The following NPAS3 variants were observed in gnomAD, a reference collection of about 807,000 sequenced individuals.
The protein encoded by NPAS3 is neuronal PAS domain protein 3.
Under a neutral mutation model 73.1 loss-of-function variants are expected in NPAS3, and 14 were observed. That is an observed-to-expected ratio of 0.19 (90% confidence interval 0.13 to 0.30). The LOEUF is 0.30. Among genes scored for constraint, NPAS3 ranks in the 10% least tolerant of loss-of-function variants. The pLI, the probability that NPAS3 is intolerant of heterozygous loss-of-function variation, is 1.00. For synonymous variants in NPAS3, 620 were observed against 541.5 expected (o/e 1.14, Z -2.01); for missense variants, 1,096 against 1,250.0 (o/e 0.88, Z 1.86).
chr14:33,452,548 G>A (rs998647077), intron 4 of NPAS3, among the ~76,000 whole-genome samples: 5 of 151,870 alleles, frequency 3.3e-5, no homozygotes, highest in Admixed American at 6.6e-5. Flanking sequence ...TGAGGCAGGC[G>A]GATCATGAGG....
chr14:33,676,104 C>A, intron 5 of NPAS3, 107 bp from the exon 6 acceptor site: 3 of 1,081,484 alleles, frequency 2.8e-6, no homozygotes, highest in South Asian at 2.8e-5. Context: ...TTTCTGGGAC[C>A]TGAATGTATT....
chr14:33,617,367 A>T (rs1428174058), intron 5 of NPAS3, among the ~76,000 whole-genome samples: 1 of 152,106 alleles, frequency 6.6e-6, no homozygotes, highest in African/African-American at 2.4e-5. Context: ...CATGGGATGA[A>T]CTCGTTGCTT....
intron 2 of NPAS3, among the ~76,000 whole-genome samples, chr14:33,106,155 A>G (rs542488402): frequency 1.3e-5 from 2 of 152,194 alleles, no homozygotes; most frequent in Non-Finnish European, 2.9e-5. Flanking sequence ...ATAAACCACA[A>G]ATTCATCCAA....
intron 3 of NPAS3, among the ~76,000 whole-genome samples, chr14:33,303,932 G>A (rs2042654285): frequency 6.6e-6 from 1 of 152,120 alleles, no homozygotes; most frequent in African/African-American, 2.4e-5. Flanking sequence ...TTTTGAGACG[G>A]AGTCTCGCTC....
At position 33,788,164 on chromosome 14, in the gene NPAS3, C is replaced by G. The variant is rs2063235040; in HGVS notation, c.1154-5733C>G. ...GTGGTATTAAGTAGAAAGTGTGATT[C>G]TAGCACACCCCCCTCACTTACACAC... On this transcript the variant is annotated intron_variant, in intron 9 of 11. Transcript: ENST00000356141. 2.0e-5 allele frequency among the ~76,000 whole-genome samples: 3 copies of G among 152,272 alleles called. No homozygotes were observed. The South Asian group carries it at 6.2e-4, about 32-fold the overall frequency.
chr14:33,788,444 T>C (rs2063246497), intron 9 of NPAS3, among the ~76,000 whole-genome samples: 1 of 152,242 alleles, frequency 6.6e-6, no homozygotes, highest in Non-Finnish European at 1.5e-5. Context: ...TCTTGCAGCT[T>C]TTTAATGCAT....
chr14:33,269,304 C>G (rs1483722914), intron 3 of NPAS3, among the ~76,000 whole-genome samples: 1 of 152,132 alleles, frequency 6.6e-6, no homozygotes, highest in Non-Finnish European at 1.5e-5. Context: ...ACCTTGTTGT[C>G]TTCCTCATTT....
chr14:33,018,782 A>G, intron 1 of NPAS3, among the ~76,000 whole-genome samples: 1 of 152,288 alleles, frequency 6.6e-6, no homozygotes, highest in South Asian at 2.1e-4. Flanking sequence ...TCTTCTTCAC[A>G]ATTAATTGTA....
intron 5 of NPAS3, among the ~76,000 whole-genome samples, chr14:33,564,503 G>A (rs990698489): frequency 6.6e-6 from 1 of 152,218 alleles, no homozygotes; most frequent in Non-Finnish European, 1.5e-5. Context: ...AGCCATAGCT[G>A]TGCGGAAGAC....
In NPAS3 at chr14:33,762,256, C is replaced by CT. The variant is rs150894058; in HGVS notation, c.853-12071dup. Among the ~76,000 whole-genome samples the CT allele has an allele frequency of 3.4e-3, 512 of 149,280 alleles. 3 individuals are homozygous for CT. Among genetic ancestry groups the CT allele is most frequent in the Middle Eastern group, 0.01 (3 of 292 alleles). ...GGTTTGTATTAAATTGAGATGCTGTCTTTTTTTTTTCCCTGTTTGTTCCCA... is the reference window on the plus strand; with the variant it reads ...GGTTTGTATTAAATTGAGATGCTGTCTTTTTTTTTTTCCCTGTTTGTTCCCA... On this transcript the variant is annotated intron_variant, in intron 7 of 11. Coordinates refer to ENST00000356141, the Ensembl canonical transcript of NPAS3.
chr14:33,136,766 A>G (rs2043855819), intron 2 of NPAS3, among the ~76,000 whole-genome samples: 2 of 152,242 alleles, frequency 1.3e-5, no homozygotes, highest in Non-Finnish European at 2.9e-5. Flanking sequence ...CCTTTGCAAT[A>G]CAACAGCAAT....
intron 2 of NPAS3, among the ~76,000 whole-genome samples, chr14:33,058,888 TC>T (rs1237309697): frequency 1.3e-5 from 2 of 152,224 alleles, no homozygotes; most frequent in Non-Finnish European, 2.9e-5. Context: ...CACTTTGTGT[TC>T]AGGGTACACT....
intron 3 of NPAS3, among the ~76,000 whole-genome samples, chr14:33,359,223 C>T (rs2045480873): frequency 6.6e-6 from 1 of 152,306 alleles, no homozygotes; most frequent in East Asian, 1.9e-4. Context: ...GAAACATAAG[C>T]TGTTTCCTGC....
intron 1 of NPAS3, among the ~76,000 whole-genome samples, chr14:33,053,301 C>T (rs2040775118): frequency 6.6e-6 from 1 of 152,172 alleles, no homozygotes; most frequent in Admixed American, 6.5e-5. Context: ...CCATCTCTTT[C>T]CTCCTTTTTC....
chr14:33,611,901 T>G (rs868542891), intron 5 of NPAS3, among the ~76,000 whole-genome samples: 4 of 152,194 alleles, frequency 2.6e-5, no homozygotes, highest in South Asian at 2.1e-4. Flanking sequence ...GGAAATAGAT[T>G]AAAAATAAAT....
chr14:33,668,043 G>A (rs558258267), intron 5 of NPAS3, among the ~76,000 whole-genome samples: 2 of 152,252 alleles, frequency 1.3e-5, no homozygotes, highest in South Asian at 2.1e-4. Flanking sequence ...ATGGTGACAC[G>A]GAGAAGGAGA....
chr14:33,731,464 C>CCTTTTTAA (rs1050082735), intron 6 of NPAS3, among the ~76,000 whole-genome samples: 4 of 151,384 alleles, frequency 2.6e-5, no homozygotes, highest in Non-Finnish European at 5.9e-5. Flanking sequence ...AAAAAAAGGC[C>CCTTTTTAA]CTTTTTAAAG....
At chr14:33,120,515 C>A (rs575408402) in intron 2 of NPAS3, among the ~76,000 whole-genome samples, 29 of 152,176 alleles carry the variant, frequency 1.9e-4, no homozygotes, top group African/African-American at 7.0e-4. Context: ...CTTCCTTACA[C>A]CCATCCAACC....
At chr14:33,246,211 G>A (rs999525902) in intron 3 of NPAS3, among the ~76,000 whole-genome samples, 3 of 152,096 alleles carry the variant, frequency 2.0e-5, no homozygotes, top group African/African-American at 4.8e-5. Flanking sequence ...GATAAGCTGA[G>A]TGGGAGCAGC....
Sources: allele counts gnomAD v4.1 joint callset (sites outside exome capture counted in the v4.1 genomes callset), GRCh38; gene constraint gnomAD v4.1.1; transcripts MANE v1.5; gene names NCBI Gene and HGNC (gene_info 2026-07-23, HGNC 2026-07-21).